FSTL5: variants seen among roughly 807,000 people sequenced by gnomAD.
FSTL5 encodes follistatin-related protein 5.
Under a neutral mutation model 89.1 loss-of-function variants are expected in FSTL5, and 62 were observed. That is an observed-to-expected ratio of 0.70 (90% CI 0.57 to 0.86). The LOEUF (loss-of-function observed/expected upper bound fraction) is 0.86, where lower values mean the gene tolerates loss of function less well. FSTL5 is among the 40% of genes least tolerant of loss of function. The probability of loss-of-function intolerance (pLI) is 0.00; values close to 1 mark genes in which losing one functional copy is unlikely to be tolerated. For synonymous variants in FSTL5, 383 were observed against 346.2 expected, an observed-to-expected ratio of 1.11 and a Z score of -1.18; for missense variants, 1,057 against 1,001.6, an observed-to-expected ratio of 1.06 and a Z score of -0.75.
intron 4 of FSTL5, among the ~76,000 whole-genome samples, chr4:161,880,501 T>A (rs567844466): frequency 1.5e-4 from 23 of 152,196 alleles, no homozygotes; most frequent in Admixed American, 3.9e-4. Flanking sequence ...AAACTTACTA[T>A]GACCTTAACG....
intron 10 of FSTL5, among the ~76,000 whole-genome samples, chr4:161,514,627 T>C (rs571980446): frequency 6.6e-6 from 1 of 152,152 alleles, no homozygotes; most frequent in Admixed American, 6.5e-5. Context: ...ATTTTTTAAA[T>C]AGATAAATAA....
chr4:161,674,196 ATAT>A (rs1338949263), intron 6 of FSTL5, among the ~76,000 whole-genome samples: 1 of 152,148 alleles, frequency 6.6e-6, no homozygotes, highest in Non-Finnish European at 1.5e-5. Context: ...ATATATAAAC[ATAT>A]TAAAAGCACA....
chr4:162,158,233 T>G (rs995576234), intron 1 of FSTL5, among the ~76,000 whole-genome samples: 1 of 152,040 alleles, frequency 6.6e-6, no homozygotes, highest in Non-Finnish European at 1.5e-5. Context: ...CAACTTGAAC[T>G]CCTAGGAAAC....
chr4:161,789,985 A>C (rs1729403900), intron 4 of FSTL5, among the ~76,000 whole-genome samples: 1 of 152,232 alleles, frequency 6.6e-6, no homozygotes, highest in African/African-American at 2.4e-5. Context: ...CAGTAACCGA[A>C]TTAATTTTCA....
intron 5 of FSTL5, among the ~76,000 whole-genome samples, chr4:161,771,260 A>C (rs1233961369): frequency 2.0e-5 from 3 of 152,098 alleles, no homozygotes; most frequent in Non-Finnish European, 4.4e-5. Flanking sequence ...AATCTACTAC[A>C]TCTTCACAAA....
intron 15 of FSTL5, among the ~76,000 whole-genome samples, chr4:161,399,722 C>T (rs764916625): frequency 6.6e-6 from 1 of 152,152 alleles, no homozygotes; most frequent in South Asian, 2.1e-4. Flanking sequence ...TACTGTGATA[C>T]AAAATTTAAT....
chr4:161,995,753 T>C (rs1201529768), intron 3 of FSTL5, among the ~76,000 whole-genome samples: 1 of 151,906 alleles, frequency 6.6e-6, no homozygotes, highest in Non-Finnish European at 1.5e-5. Context: ...AAAGTGTCTA[T>C]TAACATGTAA....
chr4:161,823,818 A>T (rs1387285682), intron 4 of FSTL5, among the ~76,000 whole-genome samples: 2 of 152,066 alleles, frequency 1.3e-5, no homozygotes, highest in Non-Finnish European at 2.9e-5. Flanking sequence ...TGTATATCTT[A>T]TTGTGAGAAT....
intron 6 of FSTL5, among the ~76,000 whole-genome samples, chr4:161,686,860 CAA>C (rs1211103901): frequency 2.0e-5 from 3 of 151,900 alleles, no homozygotes; most frequent in Non-Finnish European, 2.9e-5. Context: ...ATATGTGAAA[CAA>C]ATTTTGTGCC....
At chr4:161,633,574 T>C (rs983034160) in intron 7 of FSTL5, among the ~76,000 whole-genome samples, 5 of 152,044 alleles carry the variant, frequency 3.3e-5, no homozygotes, top group African/African-American at 1.2e-4. Flanking sequence ...CTCGATCTCT[T>C]GACCTCGTGA....
intron 1 of FSTL5, among the ~76,000 whole-genome samples, chr4:162,149,500 G>C (rs1401040849): frequency 1.3e-5 from 2 of 151,914 alleles, no homozygotes; most frequent in East Asian, 1.9e-4. Context: ...AATTAGTTCT[G>C]TGTGTTGTTG....
At chr4:161,486,376 C>CTGAAAGAAAACAGATGT in intron 12 of FSTL5, among the ~76,000 whole-genome samples, 1 of 152,034 alleles carries the variant, frequency 6.6e-6, no homozygotes, top group East Asian at 1.9e-4. Flanking sequence ...TAGACAAGTA[C>CTGAAAGAAAACAGATGT]TGAAAGAAAA....
chr4:161,462,199 G>T (rs770458388), intron 13 of FSTL5, among the ~76,000 whole-genome samples: 16 of 152,158 alleles, frequency 1.1e-4, no homozygotes, highest in Non-Finnish European at 2.1e-4. Context: ...AAGGACATCT[G>T]GGATCTGATA....
chr4:162,160,605 G>T (rs1246999456), intron 1 of FSTL5, among the ~76,000 whole-genome samples: 1 of 151,744 alleles, frequency 6.6e-6, no homozygotes, highest in Non-Finnish European at 1.5e-5. Flanking sequence ...AGAACTAATA[G>T]AAAGATGTCA....
chr4:161,747,969 G>A (rs1740259748), intron 6 of FSTL5, among the ~76,000 whole-genome samples: 1 of 152,056 alleles, frequency 6.6e-6, no homozygotes, highest in African/African-American at 2.4e-5. Flanking sequence ...AACAATGGTA[G>A]ATGGTGCTAA....
chr4:161,599,097 A>C (rs994626581), intron 7 of FSTL5, among the ~76,000 whole-genome samples: 1 of 152,140 alleles, frequency 6.6e-6, no homozygotes, highest in African/African-American at 2.4e-5. Flanking sequence ...GTAACTGATA[A>C]AGGGAAAAAC....
chr4:162,078,935 G>A (rs1483710928), intron 2 of FSTL5, among the ~76,000 whole-genome samples: 1 of 151,704 alleles, frequency 6.6e-6, no homozygotes, highest in African/African-American at 2.4e-5. Context: ...TTTCAGGAGA[G>A]AAACTTGGGC....
chr4:161,477,642 C>T (rs1356452007), intron 13 of FSTL5, among the ~76,000 whole-genome samples: 1 of 127,492 alleles, frequency 7.8e-6, no homozygotes, highest in African/African-American at 2.9e-5. Context: ...TCAGGTCTAT[C>T]TCTGAACTTA....
intron 4 of FSTL5, among the ~76,000 whole-genome samples, chr4:161,810,718 T>C (rs1281064191): frequency 6.6e-6 from 1 of 152,210 alleles, no homozygotes; most frequent in African/African-American, 2.4e-5. Flanking sequence ...AGTTTGTTTA[T>C]ATAATTAACT....
Sources: gnomAD v4.1 joint callset for allele counts (sites outside exome capture counted in the v4.1 genomes callset) on GRCh38, gnomAD v4.1.1 for gene constraint, MANE v1.5 for transcripts, NCBI Gene and HGNC (gene_info 2026-07-23, HGNC 2026-07-21) for gene names.